SMYD3: variants seen among roughly 807,000 people sequenced by gnomAD.
SMYD3 encodes the protein histone-lysine N-methyltransferase SMYD3.
SMYD3 carries 36 observed loss-of-function variants against 57.7 expected under a neutral mutation model. The observed-to-expected ratio is 0.62, with a 90% CI of 0.48 to 0.82. The LOEUF (loss-of-function observed/expected upper bound fraction) is 0.82. Among genes scored for constraint, SMYD3 ranks in the 40% least tolerant of loss-of-function variants. The pLI is 0.00. For synonymous variants in SMYD3, 211 were observed against 195.0 expected (o/e 1.08, Z -0.68); for missense variants, 515 against 538.8 (o/e 0.96, Z 0.44).
chr1:246,260,225 G>A (rs989872686), intron 5 of SMYD3, among the ~76,000 whole-genome samples: 4 of 152,136 alleles, frequency 2.6e-5, no homozygotes, highest in Admixed American at 6.5e-5. Flanking sequence ...CACAGGAAGA[G>A]TTGCGTGGCT....
intron 5 of SMYD3, among the ~76,000 whole-genome samples, chr1:246,264,192 G>A (rs1469492502): frequency 6.6e-6 from 1 of 152,048 alleles, no homozygotes; most frequent in Non-Finnish European, 1.5e-5. Context: ...TATCACTTGG[G>A]ACTGTATATT....
intron 1 of SMYD3, among the ~76,000 whole-genome samples, chr1:246,404,475 T>C (rs2102973959): frequency 1.3e-5 from 2 of 152,348 alleles, no homozygotes; most frequent in Middle Eastern, 6.8e-3. Context: ...CCACGAGGCC[T>C]CCATATCCAA....
chr1:245,879,053 G>A (rs560184296), intron 8 of SMYD3, among the ~76,000 whole-genome samples: 1 of 152,166 alleles, frequency 6.6e-6, no homozygotes, highest in Non-Finnish European at 1.5e-5. Flanking sequence ...TCTGAGAACC[G>A]CTTGCCCATC....
At chr1:246,109,561 G>T (rs976732246) in intron 5 of SMYD3, among the ~76,000 whole-genome samples, 3 of 152,172 alleles carry the variant, frequency 2.0e-5, no homozygotes, top group African/African-American at 7.2e-5. Context: ...ATTTCTGCAT[G>T]GATGAGAAAA....
chr1:246,028,885 C>T (rs2059620593), intron 5 of SMYD3, among the ~76,000 whole-genome samples: 1 of 152,112 alleles, frequency 6.6e-6, no homozygotes, highest in Non-Finnish European at 1.5e-5. Flanking sequence ...AAAACAAACA[C>T]ACAAACCATT....
chr1:246,457,912 A>C (rs528081020), intron 1 of SMYD3, among the ~76,000 whole-genome samples: 1 of 152,214 alleles, frequency 6.6e-6, no homozygotes, highest in Non-Finnish European at 1.5e-5. Context: ...AGGCCCTACT[A>C]TGTGACAGTC....
intron 5 of SMYD3, among the ~76,000 whole-genome samples, chr1:246,055,031 C>G (rs1367524059): frequency 2.0e-5 from 3 of 151,948 alleles, no homozygotes; most frequent in East Asian, 3.9e-4. Context: ...AAAAAATTAG[C>G]CGGGCGTGGT....
chr1:246,186,124 T>C (rs2062636460), intron 5 of SMYD3, among the ~76,000 whole-genome samples: 1 of 152,190 alleles, frequency 6.6e-6, no homozygotes, highest in African/African-American at 2.4e-5. Flanking sequence ...TACTGTATTG[T>C]TAAGAAATAA....
chr1:245,863,637 T>C (rs2051671453), intron 9 of SMYD3, among the ~76,000 whole-genome samples, 162 bp downstream of exon 9: 3 of 152,168 alleles, frequency 2.0e-5, no homozygotes, highest in Admixed American at 6.5e-5. Context: ...TTACTCAAAC[T>C]GCTGGCCAGG....
At chr1:246,007,651 A>T (rs117340018) in intron 5 of SMYD3, among the ~76,000 whole-genome samples, 2,758 of 111,818 alleles carry the variant, frequency 0.025, 85 homozygotes, top group South Asian at 0.15. Flanking sequence ...TCTACCAAAA[A>T]TAGAAAAAAA....
chr1:246,272,024 C>A (rs746419199), intron 5 of SMYD3, among the ~76,000 whole-genome samples: 18 of 152,076 alleles, frequency 1.2e-4, no homozygotes, highest in Non-Finnish European at 1.9e-4. Context: ...CTTGTTAATT[C>A]CTAAGTATTT....
intron 10 of SMYD3, among the ~76,000 whole-genome samples, chr1:245,801,608 C>A (rs1210070507): frequency 2.0e-5 from 3 of 151,762 alleles, no homozygotes; most frequent in Non-Finnish European, 4.4e-5. Context: ...TAAAGTGTGA[C>A]AATGATTTCG....
In SMYD3 at chr1:246,201,937, C is replaced by T. The variant is rs374428015; in HGVS notation, c.531+125264G>A. Among the ~76,000 whole-genome samples, 22 of 151,002 alleles carry T rather than the reference C, an allele frequency of 1.5e-4. No individual in the cohort carries two copies. The East Asian group carries it at 2.9e-3, about 20-fold the overall frequency. ...CTGAGGCAGGAGAATCGCTTGCACC[C>T]GGGAGGTGGAGGTTGCAGTGAGCTG... On this transcript the variant is annotated intron_variant, in intron 5 of 11. Transcript: ENST00000490107.
chr1:246,049,097 T>C (rs1321592043), intron 5 of SMYD3, among the ~76,000 whole-genome samples: 5 of 151,986 alleles, frequency 3.3e-5, no homozygotes, highest in Non-Finnish European at 7.4e-5. Context: ...AAAATGGGGT[T>C]GGAGGCATTT....
At chr1:246,363,844 GC>G (rs1209781959) in intron 1 of SMYD3, among the ~76,000 whole-genome samples, 2 of 152,024 alleles carry the variant, frequency 1.3e-5, no homozygotes, top group African/African-American at 4.8e-5. Context: ...TTGTTTATCT[GC>G]TGACCTTCCC....
intron 3 of SMYD3, among the ~76,000 whole-genome samples, chr1:246,333,842 T>C (rs2065498873): frequency 6.6e-6 from 1 of 152,084 alleles, no homozygotes; most frequent in South Asian, 2.1e-4. Flanking sequence ...GCCATGATCA[T>C]GCTACTGCAC....
intron 5 of SMYD3, among the ~76,000 whole-genome samples, chr1:246,288,762 T>C (rs886776902): frequency 2.0e-5 from 3 of 152,200 alleles, no homozygotes; most frequent in Non-Finnish European, 4.4e-5. Flanking sequence ...GTACATTCCT[T>C]ACTTAACTGC....
chr1:246,502,359 T>C (rs901430237), intron 1 of SMYD3, among the ~76,000 whole-genome samples: 4 of 152,100 alleles, frequency 2.6e-5, no homozygotes, highest in Admixed American at 6.5e-5. Context: ...CTTGAACTTA[T>C]GGGCTCAAGC....
At chr1:246,255,899 AG>A (rs2063877135) in intron 5 of SMYD3, among the ~76,000 whole-genome samples, 1 of 150,030 alleles carries the variant, frequency 6.7e-6, no homozygotes, top group Non-Finnish European at 1.5e-5. Flanking sequence ...TGTATTAGTC[AG>A]GGTTCTCTTA....
Sources: allele counts gnomAD v4.1 joint callset (sites outside exome capture counted in the v4.1 genomes callset), GRCh38; gene constraint gnomAD v4.1.1; transcripts MANE v1.5; gene names NCBI Gene and HGNC (gene_info 2026-07-23, HGNC 2026-07-21).